The following LRP1B variants were observed in gnomAD, a reference collection of about 807,000 sequenced individuals.
The protein encoded by LRP1B is low-density lipoprotein receptor-related protein 1B.
In LRP1B, 217 loss-of-function variants were observed where a neutral mutation model predicts 556.6. The observed-to-expected ratio is 0.39, with a 90% CI of 0.35 to 0.44. The LOEUF is 0.44. Among genes scored for constraint, LRP1B ranks in the 20% least tolerant of loss-of-function variants. LRP1B has a pLI of 1.00. For missense variants in LRP1B, 5,053 were observed against 5,620.8 expected (o/e 0.90, Z 3.23); for synonymous variants, 2,047 against 1,865.8 (o/e 1.10, Z -2.50).
At chr2:141,573,348 G>A (rs1166774158) in intron 2 of LRP1B, among the ~76,000 whole-genome samples, 5 of 151,964 alleles carry the variant, frequency 3.3e-5, no homozygotes, top group African/African-American at 7.3e-5. Context: ...ATGACTCCTG[G>A]GTAAATAATG....
At chr2:140,806,831 G>A (rs572617977) in intron 32 of LRP1B, among the ~76,000 whole-genome samples, 23 of 152,148 alleles carry the variant, frequency 1.5e-4, no homozygotes, top group East Asian at 7.7e-4. Flanking sequence ...CGTGAATTCC[G>A]TCATAATTTT....
At chr2:141,669,661 A>G (rs1407609580) in intron 2 of LRP1B, among the ~76,000 whole-genome samples, 1 of 150,360 alleles carries the variant, frequency 6.7e-6, no homozygotes, top group East Asian at 2.0e-4. Context: ...CAGAGGAAGG[A>G]GGGTAAGCTA....
At chr2:141,297,178 T>A (rs1215261330) in intron 3 of LRP1B, among the ~76,000 whole-genome samples, 1 of 152,216 alleles carries the variant, frequency 6.6e-6, no homozygotes, top group African/African-American at 2.4e-5. Flanking sequence ...TGAGTGCATG[T>A]GTCTTTTCGG....
At chr2:140,291,298 T>TTATATATCTATATATATA (rs1672811454) in intron 84 of LRP1B, among the ~76,000 whole-genome samples, 1 of 72,000 alleles carries the variant, frequency 1.4e-5, no homozygotes, top group Admixed American at 1.7e-4. Flanking sequence ...AAATTTTATT[T>TTATATATCTATATATATA]TATATATATA....
chr2:141,936,585 T>A (rs1024647891), intron 1 of LRP1B, among the ~76,000 whole-genome samples: 16 of 152,166 alleles, frequency 1.1e-4, no homozygotes, highest in African/African-American at 3.6e-4. Context: ...GTTTTTAAGA[T>A]CCTTGATCTG....
intron 1 of LRP1B, among the ~76,000 whole-genome samples, chr2:141,995,381 T>C (rs1702462900): frequency 6.6e-6 from 1 of 152,162 alleles, no homozygotes; most frequent in Non-Finnish European, 1.5e-5. Context: ...TGAATATCAC[T>C]CTTACCCCTG....
At chr2:140,249,051 A>G (rs1026290889) in intron 86 of LRP1B, among the ~76,000 whole-genome samples, 5 of 151,620 alleles carry the variant, frequency 3.3e-5, no homozygotes, top group African/African-American at 1.2e-4. Flanking sequence ...AAAAGAAAAA[A>G]AAAACTAAAT....
intron 84 of LRP1B, among the ~76,000 whole-genome samples, chr2:140,290,694 A>T (rs1039601595): frequency 6.6e-6 from 1 of 152,148 alleles, no homozygotes; most frequent in Non-Finnish European, 1.5e-5. Flanking sequence ...TGGGCCTGCC[A>T]TAAGCTTAAC....
intron 3 of LRP1B, among the ~76,000 whole-genome samples, chr2:141,401,623 A>C (rs899545490): frequency 2.0e-5 from 3 of 152,138 alleles, no homozygotes; most frequent in African/African-American, 7.2e-5. Context: ...ACCATTTCAC[A>C]CTGTCATCAT....
At chr2:141,726,304 G>T (rs944138868) in intron 2 of LRP1B, among the ~76,000 whole-genome samples, 3 of 150,128 alleles carry the variant, frequency 2.0e-5, no homozygotes, top group Admixed American at 6.6e-5. Flanking sequence ...ATAATCTCTG[G>T]GTAAGAGGTA....
At chr2:141,001,100 T>C (rs192312737) in intron 15 of LRP1B, among the ~76,000 whole-genome samples, 1 of 152,202 alleles carries the variant, frequency 6.6e-6, no homozygotes, top group African/African-American at 2.4e-5. Context: ...TAGTACATGA[T>C]GAATGCAAGT....
At chr2:140,878,532 C>T (rs535400314) in intron 25 of LRP1B, among the ~76,000 whole-genome samples, 12 of 152,232 alleles carry the variant, frequency 7.9e-5, no homozygotes, top group Middle Eastern at 3.4e-3. Context: ...AATTAAATCT[C>T]ACTTCAATTT....
At chr2:141,395,558 G>C (rs1056140191) in intron 3 of LRP1B, among the ~76,000 whole-genome samples, 1 of 152,170 alleles carries the variant, frequency 6.6e-6, no homozygotes, top group East Asian at 1.9e-4. Context: ...AGGTATACCT[G>C]TCTTTACTTT....
chr2:141,930,503 C>T (rs1185154565), intron 1 of LRP1B, among the ~76,000 whole-genome samples: 1 of 151,958 alleles, frequency 6.6e-6, no homozygotes, highest in Admixed American at 6.6e-5. Flanking sequence ...ATTTAGTGAA[C>T]TGCCACACTG....
intron 60 of LRP1B, among the ~76,000 whole-genome samples, chr2:140,472,411 T>TCTTTATA (rs1687807343): frequency 6.6e-6 from 1 of 152,114 alleles, no homozygotes; most frequent in African/African-American, 2.4e-5. Flanking sequence ...AGTAGAGTGA[T>TCTTTATA]ACAGAGAAAT....
intron 1 of LRP1B, among the ~76,000 whole-genome samples, chr2:141,983,311 T>C (rs1181657594): frequency 6.6e-6 from 1 of 152,216 alleles, no homozygotes; most frequent in Non-Finnish European, 1.5e-5. Context: ...CTCCCAAGCA[T>C]TGATGTCTTA....
At chr2:141,597,537 G>A (rs1196322128) in intron 2 of LRP1B, among the ~76,000 whole-genome samples, 1 of 151,974 alleles carries the variant, frequency 6.6e-6, no homozygotes, top group African/African-American at 2.4e-5. Flanking sequence ...AGTTCATTTT[G>A]AACAGATTTT....
chr2:141,260,313 T>C (rs1684637192), intron 3 of LRP1B, among the ~76,000 whole-genome samples: 2 of 152,184 alleles, frequency 1.3e-5, no homozygotes, highest in African/African-American at 4.8e-5. Context: ...TTTAGACAAA[T>C]AATTTTTATG....
chr2:141,916,493 T>C (rs1367032436), intron 1 of LRP1B, among the ~76,000 whole-genome samples: 5 of 151,286 alleles, frequency 3.3e-5, no homozygotes, highest in Non-Finnish European at 7.4e-5. Context: ...GCCTCCCTAG[T>C]AGCTGGGACT....
Sources: allele counts gnomAD v4.1 joint callset (sites outside exome capture counted in the v4.1 genomes callset), GRCh38; gene constraint gnomAD v4.1.1; transcripts MANE v1.5; gene names NCBI Gene and HGNC (gene_info 2026-07-23, HGNC 2026-07-21).